Variants in HSPA14 observed in about 807,000 individuals in gnomAD.
HSPA14 encodes heat shock protein family A (Hsp70) member 14.
A neutral mutation model predicts 65.5 loss-of-function variants in HSPA14; 37 were observed. The observed-to-expected ratio is 0.56, with a 90% confidence interval of 0.43 to 0.74. HSPA14 has a LOEUF of 0.74. HSPA14 is among the 30% of genes least tolerant of loss of function. The pLI is 0.00. For synonymous variants in HSPA14, 203 were observed against 214.2 expected, an observed-to-expected ratio of 0.95 and a Z score of 0.46; for missense variants, 564 against 607.6, an observed-to-expected ratio of 0.93 and a Z score of 0.75.
intron 3 of HSPA14, chr10:14,846,636 G>C: frequency 1.2e-5 from 11 of 950,028 alleles, no homozygotes; most frequent in Non-Finnish European, 1.4e-5. Context: ...CATTTATAAA[G>C]TGGGAAACTC....
chr10:14,838,366 A>G lies in HSPA14; in HGVS notation c.-37A>G. Reference sequence around the variant, plus strand: ...GGCCGGTAGCTGTTGCTGTTGGGGGACCCCCTCATTCCTGCCGCTGCCGTC... The same window carrying G: ...GGCCGGTAGCTGTTGCTGTTGGGGGGCCCCCTCATTCCTGCCGCTGCCGTC... On this transcript the variant is annotated 5_prime_UTR_variant, in exon 1 of 14. Coordinates refer to ENST00000378372, the MANE Select transcript of HSPA14 (RefSeq NM_016299.4). The G allele has an allele frequency of 6.4e-7, 1 of 1,569,596 alleles. No homozygotes were observed.
intron 3 of HSPA14, chr10:14,845,628 G>T: frequency 3.9e-6 from 3 of 776,536 alleles, no homozygotes; most frequent in Non-Finnish European, 4.7e-6. Context: ...AAGTCTCACT[G>T]TTTTGCCCAG....
At chr10:14,857,687 T>A (rs904973111) in intron 10 of HSPA14, among the ~76,000 whole-genome samples, 3 of 152,208 alleles carry the variant, frequency 2.0e-5, no homozygotes, top group Non-Finnish European at 4.4e-5. Flanking sequence ...TACTTCACTA[T>A]TTGGTTTTGG....
chr10:14,853,821 G>A (rs1281242419), intron 8 of HSPA14, among the ~76,000 whole-genome samples: 1 of 152,148 alleles, frequency 6.6e-6, no homozygotes, highest in Non-Finnish European at 1.5e-5. Context: ...CCAGGTTCAA[G>A]CGATTCTTCT....
intron 9 of HSPA14, 56 bp downstream of exon 9, chr10:14,854,336 G>T: frequency 7.2e-7 from 1 of 1,396,144 alleles, no homozygotes; most frequent in Non-Finnish European, 9.7e-7. Flanking sequence ...TGTTTGTTTA[G>T]GTATAATTTT....
At chr10:14,860,914 C>T (rs1319070365) in intron 10 of HSPA14, among the ~76,000 whole-genome samples, 1 of 152,042 alleles carries the variant, frequency 6.6e-6, no homozygotes, top group Non-Finnish European at 1.5e-5. Context: ...GGGACATTTG[C>T]AAGCTAGAAG....
At chr10:14,845,466 G>C in intron 3 of HSPA14, 1 of 985,372 alleles carries the variant, frequency 1.0e-6, no homozygotes, top group Non-Finnish European at 1.2e-6. Context: ...GAGCTGCTCT[G>C]CCAAGCCAGG....
At chr10:14,852,281 A>G in intron 7 of HSPA14, 89 bp from the exon 8 acceptor site, 1 of 1,031,096 alleles carries the variant, frequency 9.7e-7, no homozygotes, top group Non-Finnish European at 1.4e-6. Flanking sequence ...CTCATTTGTA[A>G]ATTAAAGGGA....
intron 13 of HSPA14, among the ~76,000 whole-genome samples, chr10:14,871,226 G>A (rs1832851632): frequency 6.6e-6 from 1 of 152,132 alleles, no homozygotes; most frequent in Non-Finnish European, 1.5e-5. Context: ...AAATAGCATG[G>A]TGCATCTGGA....
At chr10:14,844,086 A>G (rs927413259) in intron 3 of HSPA14, 68 of 1,414,370 alleles carry the variant, frequency 4.8e-5, no homozygotes, top group Admixed American at 5.9e-5. Context: ...CCTTTCAGAA[A>G]TGCCAGGGGT....
intron 3 of HSPA14, chr10:14,846,244 T>G: frequency 1.0e-6 from 1 of 985,360 alleles, no homozygotes. Context: ...GGTAGGTAGG[T>G]AGATTTTCTG....
chr10:14,863,477 A>G (rs1474690689), intron 10 of HSPA14, among the ~76,000 whole-genome samples: 2 of 152,188 alleles, frequency 1.3e-5, no homozygotes, highest in African/African-American at 4.8e-5. Context: ...AATCAGAGGC[A>G]TATGATTATC....
chr10:14,843,793 G>A (rs562949297), intron 3 of HSPA14: 17 of 1,536,316 alleles, frequency 1.1e-5, no homozygotes, highest in Middle Eastern at 1.7e-4. Flanking sequence ...TGCTGTCATC[G>A]CAGTCAGACG....
chr10:14,870,784 G>T, intron 13 of HSPA14, 117 bp downstream of exon 13: 2 of 958,298 alleles, frequency 2.1e-6, no homozygotes, highest in Non-Finnish European at 2.9e-6. Context: ...ACCTACAGAG[G>T]TTTTTATCAG....
chr10:14,851,161 A>G, intron 6 of HSPA14, 58 bp from the exon 7 acceptor site: 1 of 939,244 alleles, frequency 1.1e-6, no homozygotes, highest in Non-Finnish European at 1.7e-6. Context: ...GATCATTTCT[A>G]AAAATGTAGA....
Position 14,842,184 on chromosome 10 carries a change from G to A in HSPA14, c.221+2027G>A. 2 of 1,535,154 alleles carry A rather than the reference G, an allele frequency of 1.3e-6. No homozygotes were observed. The highest frequency in any genetic ancestry group is 1.7e-6 in the Non-Finnish European group (2 of 1,146,858). On this transcript the variant is annotated intron_variant, in intron 3 of 13. Coordinates refer to ENST00000378372, the MANE Select transcript of HSPA14 (RefSeq NM_016299.4). This position sits in a 1 kb window ranked among gnomAD's most constrained non-coding sequence, Gnocchi z 5.2. ...CTTCTCAGCAATTATCCCTGAGAGG[G>A]AAGATCCTGGAGATATCCTGAGAGC...
chr10:14,843,533 A>C (rs1257836264), intron 3 of HSPA14: 2 of 1,550,696 alleles, frequency 1.3e-6, no homozygotes, highest in South Asian at 2.4e-5. Flanking sequence ...TCCACACCGC[A>C]GACTCCAGTC....
At position 14,842,183 on chromosome 10, in the gene HSPA14, G is replaced by T; in HGVS notation, c.221+2026G>T. 6.5e-7 allele frequency: 1 copy of T among 1,535,132 alleles called. No homozygotes were observed. The highest frequency in any genetic ancestry group is 8.7e-7 in the Non-Finnish European group (1 of 1,146,856). ...GCTTCTCAGCAATTATCCCTGAGAG[G>T]GAAGATCCTGGAGATATCCTGAGAG... On this transcript the variant is annotated intron_variant, in intron 3 of 13. Coordinates refer to ENST00000378372, the MANE Select transcript of HSPA14 (RefSeq NM_016299.4). The surrounding 1 kb of genome is among the most constrained non-coding windows in gnomAD (Gnocchi z 5.2).
intron 7 of HSPA14, among the ~76,000 whole-genome samples, chr10:14,851,806 TAGAG>T (rs1834110686): frequency 6.6e-6 from 1 of 152,246 alleles, no homozygotes; most frequent in Non-Finnish European, 1.5e-5. Context: ...CGTTCAACTT[TAGAG>T]AAGTTAATTC....
Sources: gnomAD v4.1 joint callset for allele counts (sites outside exome capture counted in the v4.1 genomes callset) on GRCh38, gnomAD v4.1.1 for gene constraint, Gnocchi (gnomAD v3.1) non-coding constraint, MANE v1.5 for transcripts, NCBI Gene and HGNC (gene_info 2026-07-23, HGNC 2026-07-21) for gene names.